Variants in LCTL observed in about 807,000 individuals in gnomAD.
LCTL encodes the protein lactase-like protein.
A neutral mutation model predicts 75.8 loss-of-function variants in LCTL; 76 were observed. That is an observed-to-expected ratio of 1.00 (90% CI 0.83 to 1.21). The LOEUF is 1.21. Among genes scored for constraint, LCTL ranks in the 50% most tolerant of loss-of-function variants. The pLI is 0.00. For synonymous variants in LCTL, 271 were observed against 268.8 expected (o/e 1.01, Z -0.08); for missense variants, 670 against 712.4 (o/e 0.94, Z 0.68).
At chr15:66,558,786 C>T (rs1895808680) in intron 6 of LCTL, among the ~76,000 whole-genome samples, 1 of 151,372 alleles carries the variant, frequency 6.6e-6, no homozygotes, top group Non-Finnish European at 1.5e-5. Flanking sequence ...ACCTCTGCCT[C>T]CCAGGTTCAA....
chr15:66,548,246 A>G (rs1895454421), exon 13 of LCTL: 2 of 318,582 alleles, frequency 6.3e-6, no homozygotes, highest in Admixed American at 4.3e-5. Context: ...ATATACATTC[A>G]TTATATACAG....
chr15:66,560,152 T>C lies in LCTL; in HGVS notation c.705+854A>G, dbSNP rs144239523. Among the ~76,000 whole-genome samples, 101 of 152,154 alleles carry C rather than the reference T, an allele frequency of 6.6e-4. 1 individual carries two copies. Among genetic ancestry groups the C allele is most frequent in the Middle Eastern group, 3.4e-3 (1 of 292 alleles). On this transcript the variant is annotated intron_variant, in intron 6 of 12. Coordinates refer to ENST00000341509, the Ensembl canonical transcript of LCTL. ...ACAGTTTAAGAAATCATAAGCCAAATGTAGAAAAAATGAGAAAATGTTCTC... is the reference window on the plus strand; with the variant it reads ...ACAGTTTAAGAAATCATAAGCCAAACGTAGAAAAAATGAGAAAATGTTCTC...
chr15:66,563,605 C>T, exon 4 of LCTL: 1 of 1,610,458 alleles, frequency 6.2e-7, no homozygotes, highest in Non-Finnish European at 8.5e-7. Flanking sequence ...AATTCGATTC[C>T]CTTCTTGTTC....
Position 66,559,273 on chromosome 15 carries a change from C to A in LCTL, c.706-1237G>T, listed in dbSNP as rs75233887. On this transcript the variant is annotated intron_variant, in intron 6 of 12. Transcript: ENST00000341509. The stretch of plus-strand genomic sequence containing the variant: ...CTGAATATCTGAAGGCTATAGAATT[C>A]GGGGTTGTTTTGTTTGTTACTCACA... Among the ~76,000 whole-genome samples the A allele has an allele frequency of 1.0e-3, 153 of 152,266 alleles. 3 individuals carry two copies. The East Asian group carries it at 0.016, about 16-fold the overall frequency.
At chr15:66,557,919 G>A (rs750867353) in intron 7 of LCTL, 36 bp from the exon 9 acceptor site, 3 of 1,610,934 alleles carry the variant, frequency 1.9e-6, no homozygotes, top group South Asian at 2.2e-5. Flanking sequence ...GTGGGGAGTG[G>A]GCATGCCATT....
At chr15:66,552,635 A>G (rs967560330) in intron 9 of LCTL, among the ~76,000 whole-genome samples, 3 of 142,408 alleles carry the variant, frequency 2.1e-5, no homozygotes, top group African/African-American at 8.3e-5. Flanking sequence ...ATGCCACTGC[A>G]CTCCAGCCTG....
At chr15:66,557,406 C>G (rs1469932797) in intron 8 of LCTL, among the ~76,000 whole-genome samples, 1 of 152,104 alleles carries the variant, frequency 6.6e-6, no homozygotes, top group Non-Finnish European at 1.5e-5. Flanking sequence ...TGTCTGACCT[C>G]TCTCCTGCTT....
chr15:66,550,196 A>T (rs112451067), intron 11 of LCTL, 92 bp from the exon 13 acceptor site: 1 of 722,186 alleles, frequency 1.4e-6, no homozygotes, highest in Non-Finnish European at 2.4e-6. Flanking sequence ...GTAAAAGTAA[A>T]TATTTTTTAA....
chr15:66,559,713 A>C (rs370008834), intron 6 of LCTL, among the ~76,000 whole-genome samples: 5 of 152,246 alleles, frequency 3.3e-5, no homozygotes, highest in Admixed American at 2.0e-4. Context: ...GTCTCTAAAT[A>C]AATAAATAAT....
chr15:66,564,795 C>A, exon 2 of LCTL: 1 of 1,613,444 alleles, frequency 6.2e-7, no homozygotes, highest in African/African-American at 1.3e-5. Flanking sequence ...TGGTCCCAGG[C>A]GCCCTCCGTC....
chr15:66,553,562 T>C (rs976677025), intron 8 of LCTL, among the ~76,000 whole-genome samples: 10 of 150,386 alleles, frequency 6.6e-5, no homozygotes, highest in Admixed American at 6.6e-5. Context: ...GAGACCATCC[T>C]GGCTAGCACA....
exon 11 of LCTL, chr15:66,551,748 C>A (rs770321839): frequency 1.2e-6 from 2 of 1,613,770 alleles, no homozygotes; most frequent in African/African-American, 2.7e-5. Flanking sequence ...TTATTTCTGT[C>A]GTTAAATTCA....
chr15:66,558,127 A>C (rs1487706343), intron 6 of LCTL, 91 bp from the exon 8 acceptor site: 11 of 1,122,894 alleles, frequency 9.8e-6, no homozygotes, highest in Non-Finnish European at 1.4e-5. Flanking sequence ...TCCTAACTTT[A>C]GAGCTATTAT....
chr15:66,564,884 C>T, intron 1 of LCTL, 45 bp from the exon 3 acceptor site: 1 of 1,576,990 alleles, frequency 6.3e-7, no homozygotes, highest in Non-Finnish European at 8.6e-7. Flanking sequence ...TCCCATGTGT[C>T]ACCCAGAGCC....
intron 12 of LCTL, 105 bp downstream of exon 13, chr15:66,549,936 T>C: frequency 3.0e-6 from 2 of 657,080 alleles, no homozygotes; most frequent in Non-Finnish European, 2.4e-6. Flanking sequence ...TAAGTAGTTT[T>C]GGAAGATTGA....
chr15:66,558,916 G>C (rs1219516961), intron 6 of LCTL, among the ~76,000 whole-genome samples: 1 of 151,274 alleles, frequency 6.6e-6, no homozygotes, highest in Non-Finnish European at 1.5e-5. Context: ...GGCTGATCTC[G>C]AACTCCAGAC....
chr15:66,553,002 C>T (rs1329741195), exon 9 of LCTL: 8 of 1,460,136 alleles, frequency 5.5e-6, no homozygotes, highest in Non-Finnish European at 7.2e-6. Context: ...AGTTAAGGAG[C>T]CTCCTAAATC....
At chr15:66,560,711 G>A (rs746772705) in intron 6 of LCTL, among the ~76,000 whole-genome samples, 3 of 152,148 alleles carry the variant, frequency 2.0e-5, no homozygotes, top group Non-Finnish European at 4.4e-5. Context: ...CTGGCTCGCT[G>A]TCACACCCCT....
rs191875669 is a variant in LCTL at position 66,553,688 on chromosome 15, G to A, written c.923-430C>T. 3.6e-3 allele frequency among the ~76,000 whole-genome samples: 547 copies of A among 151,306 alleles called. 2 individuals are homozygous for A. Among genetic ancestry groups the A allele is most frequent in the African/African-American group, 0.013 (522 of 41,200 alleles). On this transcript the variant is annotated intron_variant, in intron 8 of 12. Transcript: ENST00000341509. ...GAGAATGGCGTGAATCCAGGAGGTGGAGCTTGCAGTGAGCCAAGATCGTGC... is the reference window on the plus strand; with the variant it reads ...GAGAATGGCGTGAATCCAGGAGGTGAAGCTTGCAGTGAGCCAAGATCGTGC...
Sources: gnomAD v4.1 joint callset for allele counts (sites outside exome capture counted in the v4.1 genomes callset) on GRCh38, gnomAD v4.1.1 for gene constraint, MANE v1.5 for transcripts, NCBI Gene and HGNC (gene_info 2026-07-23, HGNC 2026-07-21) for gene names.